The following CREB5 variants were observed in gnomAD, a reference collection of about 807,000 sequenced individuals.
CREB5 encodes cAMP responsive element binding protein 5, also known as cyclic AMP-responsive element-binding protein 5.
A neutral mutation model predicts 57.1 loss-of-function variants in CREB5; 19 were observed. The observed-to-expected ratio is 0.33, with a 90% CI of 0.23 to 0.49. The LOEUF (loss-of-function observed/expected upper bound fraction) is 0.49. CREB5 is among the 20% of genes least tolerant of loss of function. The probability of loss-of-function intolerance (pLI) is 0.99; values close to 1 mark genes in which losing one functional copy is unlikely to be tolerated. For missense variants in CREB5, 579 were observed against 671.6 expected, an observed-to-expected ratio of 0.86 and a Z score of 1.52; for synonymous variants, 238 against 238.3, an observed-to-expected ratio of 1.00 and a Z score of 0.01.
intron 7 of CREB5, among the ~76,000 whole-genome samples, chr7:28,791,950 A>G (rs1224574794): frequency 3.9e-5 from 6 of 152,154 alleles, no homozygotes; most frequent in African/African-American, 9.7e-5. Flanking sequence ...CACCATAAAG[A>G]CAATAGAAAT....
At chr7:28,379,446 C>G (rs1786914670) in intron 1 of CREB5, among the ~76,000 whole-genome samples, 1 of 152,320 alleles carries the variant, frequency 6.6e-6, no homozygotes. Flanking sequence ...TCTAGAACAG[C>G]TAAGTTCTTT....
chr7:28,681,659 C>T (rs1309107860), intron 5 of CREB5, among the ~76,000 whole-genome samples: 1 of 152,160 alleles, frequency 6.6e-6, no homozygotes, highest in Non-Finnish European at 1.5e-5. Flanking sequence ...TGAAGAGATC[C>T]TCTCCATAGC....
In CREB5 at chr7:28,819,345, C is replaced by A; in HGVS notation, c.*66C>A. On this transcript the variant is annotated 3_prime_UTR_variant, in exon 11 of 11. Transcript: ENST00000357727. ...TACCATGCGTCCTTTCTTTTAAGGG[C>A]ATTTTTAGAATTAACTCAGACCTGG... 1 of 1,499,744 alleles carries A rather than the reference C, an allele frequency of 6.7e-7. No individual in the cohort carries two copies. The highest frequency in any genetic ancestry group is 2.2e-5 in the Admixed American group (1 of 45,778). The allele number at this position is 1,499,744 out of a possible 1,614,324, so 92.9% of individuals were successfully genotyped here.
Position 28,445,736 on chromosome 7 carries a change from T to A in CREB5, c.3+32819T>A, listed in dbSNP as rs373081316. 4.1e-3 allele frequency among the ~76,000 whole-genome samples: 619 copies of A among 151,416 alleles called. 4 individuals are homozygous for A. The highest frequency in any genetic ancestry group is 0.014 in the South Asian group (64 of 4,722). Reference sequence around the variant, plus strand: ...CTGGCTAATTTTTTGTATTTTTAGTTGAGATGGGGTTTCACTGTGTTAGCC... The same window carrying A: ...CTGGCTAATTTTTTGTATTTTTAGTAGAGATGGGGTTTCACTGTGTTAGCC... On this transcript the variant is annotated intron_variant, in intron 1 of 10. Transcript: ENST00000357727.
intron 5 of CREB5, among the ~76,000 whole-genome samples, chr7:28,650,923 G>C (rs1216001281): frequency 1.3e-5 from 2 of 152,152 alleles, no homozygotes; most frequent in Non-Finnish European, 2.9e-5. Flanking sequence ...AAAGATGGCA[G>C]GGGTCTGTGC....
At chr7:28,776,103 C>T (rs1317667962) in intron 7 of CREB5, among the ~76,000 whole-genome samples, 3 of 151,774 alleles carry the variant, frequency 2.0e-5, no homozygotes, top group Non-Finnish European at 4.4e-5. Context: ...TTTGGGAGGC[C>T]GAGGCGGGCG....
intron 5 of CREB5, among the ~76,000 whole-genome samples, chr7:28,713,935 C>G (rs1020286885): frequency 1.3e-5 from 2 of 151,904 alleles, no homozygotes; most frequent in Non-Finnish European, 2.9e-5. Flanking sequence ...AAGATTTCTT[C>G]GATATCTATG....
chr7:28,747,129 G>A (rs1353885729), intron 7 of CREB5, among the ~76,000 whole-genome samples: 1 of 149,130 alleles, frequency 6.7e-6, no homozygotes, highest in Non-Finnish European at 1.5e-5. Context: ...CCTTTCCTCT[G>A]CAGTAAATAA....
At position 28,560,881 on chromosome 7, in the gene CREB5, T is replaced by TGTGTGTGTGC. The variant is rs1554344374; in HGVS notation, c.292-9483_292-9482insTGTGTGTGCG. Among the ~76,000 whole-genome samples the TGTGTGTGTGC allele has an allele frequency of 4.3e-5, 2 of 46,206 alleles. 1 individual carries two copies. The highest frequency in any genetic ancestry group is 2.1e-3 in the South Asian group (2 of 968). 30.3% of individuals were successfully genotyped at this position (46,206 alleles called of 152,430 possible). ...GTGCGTGTGCCTGCGTGCGCGTGCG[T>TGTGTGTGTGC]GCGTGCGTGTGTGTGCGTGCGCGCG... On this transcript the variant is annotated intron_variant, in intron 4 of 10. Coordinates refer to ENST00000357727, the MANE Select transcript of CREB5 (RefSeq NM_182898.4).
At chr7:28,561,023 T>TGTGTGC (rs1795247590) in intron 4 of CREB5, among the ~76,000 whole-genome samples, 1 of 56,080 alleles carries the variant, frequency 1.8e-5, no homozygotes, top group African/African-American at 1.3e-4. Context: ...TGTGCGTGTG[T>TGTGTGC]GCGTGTGTGT....
At chr7:28,472,165 A>AAAAAAAAAAC (rs1554328949) in intron 1 of CREB5, among the ~76,000 whole-genome samples, 1 of 148,010 alleles carries the variant, frequency 6.8e-6, no homozygotes, top group Non-Finnish European at 1.5e-5. Context: ...AAAAAAAAAA[A>AAAAAAAAAAC]ACATAGTAAT....
At chr7:28,645,637 G>T (rs1798862344) in intron 5 of CREB5, among the ~76,000 whole-genome samples, 1 of 152,208 alleles carries the variant, frequency 6.6e-6, no homozygotes, top group Non-Finnish European at 1.5e-5. Context: ...AATGCCTTAT[G>T]ATCAGTGTTT....
intron 1 of CREB5, among the ~76,000 whole-genome samples, chr7:28,465,615 A>G (rs1347413268): frequency 1.3e-5 from 2 of 152,194 alleles, no homozygotes; most frequent in Non-Finnish European, 2.9e-5. Context: ...GTGTGACCTC[A>G]GTCATTTTAC....
intron 5 of CREB5, among the ~76,000 whole-genome samples, chr7:28,607,028 G>A (rs1797159088): frequency 6.6e-6 from 1 of 152,014 alleles, no homozygotes; most frequent in Non-Finnish European, 1.5e-5. Context: ...ATCTTACACT[G>A]GTATAGAACA....
At chr7:28,581,059 A>G (rs73079870) in intron 5 of CREB5, among the ~76,000 whole-genome samples, 9,985 of 152,202 alleles carry the variant, frequency 0.066, 437 homozygotes, top group South Asian at 0.11. Flanking sequence ...AAAATGAATA[A>G]CAAGATGGGT....
At position 28,570,564 on chromosome 7, in the gene CREB5, G is replaced by A. The variant is rs1795661089; in HGVS notation, c.464+27G>A. 4 of 1,607,590 alleles carry A rather than the reference G, an allele frequency of 2.5e-6. No homozygotes were observed. In the African/African-American group the frequency reaches 5.3e-5, roughly 21 times the overall value. On this transcript the variant is annotated intron_variant, in intron 5 of 10. Transcript: ENST00000357727. ...TAAGGAGCCCTCCTTGGCTGCCCCTGGGTCCTGGCTGGAACTCAGGAAATG... is the reference window on the plus strand; with the variant it reads ...TAAGGAGCCCTCCTTGGCTGCCCCTAGGTCCTGGCTGGAACTCAGGAAATG...
At chr7:28,654,168 T>C (rs1482106358) in intron 5 of CREB5, among the ~76,000 whole-genome samples, 2 of 152,130 alleles carry the variant, frequency 1.3e-5, no homozygotes, top group Non-Finnish European at 2.9e-5. Flanking sequence ...TCCAAACCAT[T>C]AAAAATCTAA....
chr7:28,324,953 A>T (rs149026321), intron 1 of CREB5, among the ~76,000 whole-genome samples: 142 of 152,282 alleles, frequency 9.3e-4, no homozygotes, highest in Admixed American at 1.6e-3. Flanking sequence ...TTACCTTTCT[A>T]TGTCAAATGT....
chr7:28,735,203 T>C (rs572071858), intron 7 of CREB5, among the ~76,000 whole-genome samples: 1 of 152,300 alleles, frequency 6.6e-6, no homozygotes, highest in Non-Finnish European at 1.5e-5. Context: ...TATTCTAAGC[T>C]TAAGCTTTCT....
Sources: gnomAD v4.1 joint callset for allele counts (sites outside exome capture counted in the v4.1 genomes callset) on GRCh38, gnomAD v4.1.1 for gene constraint, MANE v1.5 for transcripts, NCBI Gene and HGNC (gene_info 2026-07-23, HGNC 2026-07-21) for gene names.